ENPP2: variants seen among roughly 807,000 people sequenced by gnomAD.
ENPP2 encodes ectonucleotide pyrophosphatase/phosphodiesterase 2, also known as autotaxin.
A neutral mutation model predicts 120.2 loss-of-function variants in ENPP2; 51 were observed. The ratio of observed to expected loss-of-function variants is 0.42; its 90% CI spans 0.34 to 0.54. The LOEUF (loss-of-function observed/expected upper bound fraction) is 0.54, where lower values mean the gene tolerates loss of function less well. Among genes scored for constraint, ENPP2 ranks in the 20% least tolerant of loss-of-function variants. ENPP2 has a pLI of 0.04. For missense variants in ENPP2, 920 were observed against 1,066.5 expected, an observed-to-expected ratio of 0.86 and a Z score of 1.91; for synonymous variants, 365 against 366.4, an observed-to-expected ratio of 1.00 and a Z score of 0.04.
In ENPP2 at chr8:119,616,266, G is replaced by A. The variant is rs779031921; in HGVS notation, c.776C>T (p.Pro259Leu). The change falls in exon 8 of 25, where the codon CCG (proline) becomes CTG (leucine). Residue 259 changes from proline (P) to leucine (L), a missense_variant and splice_region_variant. Pro to Leu is a moderately conservative substitution (Grantham distance 98). Coordinates refer to ENST00000075322, the MANE Select transcript of ENPP2 (RefSeq NM_001040092.3). ...KFNHRWWGGQ[P>L]LWITATKQGV... ...ACACACAATAAATGCAAAACTTACC[G>A]GTTGACCTCCCCACCATCTATGATT... The A allele has an allele frequency of 1.0e-5, 16 of 1,599,616 alleles. No individual in the cohort carries two copies. Among genetic ancestry groups the A allele is most frequent in the Admixed American group, 1.7e-5 (1 of 59,600 alleles).
At chr8:119,647,807 C>T (rs1432497176) in intron 1 of ENPP2, among the ~76,000 whole-genome samples, 1 of 152,030 alleles carries the variant, frequency 6.6e-6, no homozygotes, top group Non-Finnish European at 1.5e-5. Context: ...GAGATCGATG[C>T]CGACCTGGCC....
intron 4 of ENPP2, among the ~76,000 whole-genome samples, chr8:119,620,296 G>A (rs149880574): frequency 1.3e-3 from 197 of 152,048 alleles, no homozygotes; most frequent in Non-Finnish European, 1.8e-3. Flanking sequence ...GTGGCTTCCT[G>A]GTACACTTAC....
chr8:119,586,642 G>A (rs995277999), intron 14 of ENPP2, among the ~76,000 whole-genome samples: 9 of 151,978 alleles, frequency 5.9e-5, no homozygotes, highest in Admixed American at 2.0e-4. Flanking sequence ...GTGGGGTGTC[G>A]GTGGGAGGGG....
At chr8:119,577,855 T>C (rs977431721) in intron 19 of ENPP2, among the ~76,000 whole-genome samples, 1 of 152,172 alleles carries the variant, frequency 6.6e-6, no homozygotes, top group African/African-American at 2.4e-5. Flanking sequence ...TACACAAACT[T>C]TAAGCTTCAG....
intron 1 of ENPP2, among the ~76,000 whole-genome samples, chr8:119,660,808 G>T (rs117122960): frequency 6.6e-6 from 1 of 152,132 alleles, no homozygotes; most frequent in Non-Finnish European, 1.5e-5. Context: ...GTTGTAGTGC[G>T]AAAGTGGTCA....
rs1021965482 is a variant in ENPP2 at position 119,613,805 on chromosome 8, G to A, written c.777+2460C>T. On this transcript the variant is annotated intron_variant, in intron 8 of 24. Transcript: ENST00000075322. The stretch of plus-strand genomic sequence containing the variant: ...TACAGTGTGATGTTTCAATGCATGT[G>A]TACATTGTATAATGATCAAATCAGG... Among the ~76,000 whole-genome samples the A allele has an allele frequency of 2.6e-5, 4 of 151,940 alleles. No homozygotes were observed. In the East Asian group the frequency reaches 7.7e-4, roughly 29 times the overall value.
intron 11 of ENPP2, among the ~76,000 whole-genome samples, chr8:119,598,272 A>T (rs1380603873): frequency 6.6e-6 from 1 of 152,214 alleles, no homozygotes; most frequent in Non-Finnish European, 1.5e-5. Flanking sequence ...TGACCAGGTT[A>T]TCAGATTACC....
chr8:119,666,144 C>T (rs769753656), intron 1 of ENPP2, among the ~76,000 whole-genome samples: 14 of 152,212 alleles, frequency 9.2e-5, no homozygotes, highest in East Asian at 5.8e-4. Flanking sequence ...AGAATATAGA[C>T]GGGATATTCA....
intron 2 of ENPP2, among the ~76,000 whole-genome samples, chr8:119,634,231 C>CAT (rs1816865363): frequency 6.6e-6 from 1 of 150,664 alleles, no homozygotes; most frequent in South Asian, 2.1e-4. Context: ...TACATACATA[C>CAT]ACACAATGTC....
intron 2 of ENPP2, among the ~76,000 whole-genome samples, chr8:119,637,886 C>T (rs546065256): frequency 1.7e-3 from 262 of 152,312 alleles, no homozygotes; most frequent in Middle Eastern, 3.4e-3. Context: ...CATAAGGACA[C>T]ACAATGAGGA....
At chr8:119,629,738 A>G (rs1042712630) in intron 2 of ENPP2, among the ~76,000 whole-genome samples, 4 of 152,208 alleles carry the variant, frequency 2.6e-5, no homozygotes, top group Non-Finnish European at 5.9e-5. Context: ...ACCTATCAAC[A>G]GTGCATGCTG....
intron 12 of ENPP2, among the ~76,000 whole-genome samples, chr8:119,591,916 A>G (rs1813533475): frequency 6.6e-6 from 1 of 152,156 alleles, no homozygotes. Flanking sequence ...CCCATTTGTT[A>G]TATTTCTAGG....
At chr8:119,581,822 C>CA (rs1812763480) in intron 18 of ENPP2, among the ~76,000 whole-genome samples, 1 of 149,580 alleles carries the variant, frequency 6.7e-6, no homozygotes, top group African/African-American at 2.5e-5. Context: ...TGTGGTGACA[C>CA]AATCCCGGCT....
rs145164310 is a variant in ENPP2 at position 119,658,167 on chromosome 8, T to C, written c.21+15085A>G. Among the ~76,000 whole-genome samples, 350 of 152,368 alleles carry C rather than the reference T, an allele frequency of 2.3e-3. 2 individuals carry two copies. Among genetic ancestry groups the C allele is most frequent in the African/African-American group, 8.0e-3 (331 of 41,596 alleles). Reference sequence around the variant, plus strand: ...ACTATGTGCCAGGTATTGTTTTAAATACTTTATATTTCTTTTTTCAAAAAT... The same window carrying C: ...ACTATGTGCCAGGTATTGTTTTAAACACTTTATATTTCTTTTTTCAAAAAT... On this transcript the variant is annotated intron_variant, in intron 1 of 25. Transcript: ENST00000427067.
Position 119,572,263 on chromosome 8 carries a change from G to A in ENPP2, c.1781-1422C>T, listed in dbSNP as rs1273522286. On this transcript the variant is annotated intron_variant, in intron 19 of 24. Coordinates refer to ENST00000075322, the MANE Select transcript of ENPP2 (RefSeq NM_001040092.3). The stretch of plus-strand genomic sequence containing the variant: ...TTCCTGGTTTCAGCTGGAAGCAGAA[G>A]TATCAAAATTCTTTGAGAAGCTATT... 7.8e-6 allele frequency: 12 copies of A among 1,541,256 alleles called. No homozygotes were observed. In the East Asian group the frequency reaches 2.4e-4, roughly 31 times the overall value.
In ENPP2 at chr8:119,586,299, A is replaced by G; in HGVS notation, c.1254T>C (p.Asp418=). Residue 418 remains aspartate, a synonymous_variant, in exon 15 of 25, where the codon GAT becomes GAC. Transcript: ENST00000075322. ...GTTTCAAGTAAGGCTTAAAGTGCTG[A>G]TCTGGTTTTTTACACTGAAATAGAA... ...IIANLTCKKP[D]QHFKPYLKQH... 2 of 1,614,014 alleles carry G rather than the reference A, an allele frequency of 1.2e-6. No individual in the cohort carries two copies. The highest frequency in any genetic ancestry group is 1.7e-6 in the Non-Finnish European group (2 of 1,179,918).
chr8:119,653,142 G>A (rs72688238), intron 1 of ENPP2, among the ~76,000 whole-genome samples: 14,075 of 152,224 alleles, frequency 0.092, 890 homozygotes, highest in South Asian at 0.19. Flanking sequence ...TGGATAGCTC[G>A]TTTTAAGAGG....
chr8:119,622,517 C>G (rs1449131229), intron 3 of ENPP2, among the ~76,000 whole-genome samples: 2 of 152,100 alleles, frequency 1.3e-5, no homozygotes, highest in Non-Finnish European at 2.9e-5. Flanking sequence ...GAAAAACAAC[C>G]TTTCCATTTT....
chr8:119,644,796 C>G (rs889390897), intron 1 of ENPP2, among the ~76,000 whole-genome samples: 3 of 151,458 alleles, frequency 2.0e-5, no homozygotes, highest in South Asian at 4.2e-4. Flanking sequence ...CATAATAAAA[C>G]ATTTTAAAAT....
Sources: allele counts gnomAD v4.1 joint callset (sites outside exome capture counted in the v4.1 genomes callset), GRCh38; gene constraint gnomAD v4.1.1; transcripts MANE v1.5; gene names NCBI Gene and HGNC (gene_info 2026-07-23, HGNC 2026-07-21).